Variants in ZNF804B observed in about 807,000 individuals in gnomAD.
ZNF804B encodes the protein zinc finger protein 804B.
A neutral mutation model predicts 101.4 loss-of-function variants in ZNF804B; 80 were observed. The observed-to-expected ratio is 0.79, with a 90% CI of 0.66 to 0.95. The LOEUF is 0.95. ZNF804B is among the 40% of genes least tolerant of loss of function. The probability of loss-of-function intolerance (pLI) is 0.00; values close to 1 mark genes in which losing one functional copy is unlikely to be tolerated. For synonymous variants in ZNF804B, 622 were observed against 558.8 expected (o/e 1.11, Z -1.59); for missense variants, 1,673 against 1,561.9 (o/e 1.07, Z -1.20).
chr7:89,046,992 C>A (rs116491185), intron 1 of ZNF804B, among the ~76,000 whole-genome samples: 449 of 152,196 alleles, frequency 3.0e-3, no homozygotes, highest in Middle Eastern at 0.01. Context: ...CGTTTGCTTG[C>A]AATCATCTAT....
rs1554379499 is a variant in ZNF804B at position 89,215,914 on chromosome 7, A to AATAC, written c.109-2238_109-2237insCATA. On this transcript the variant is annotated intron_variant, in intron 1 of 3. Transcript: ENST00000333190. ...AAATAAATAAATAAATAAATAAATA[A>AATAC]ATAAATAAATAAATAAGAACTATGA... Among the ~76,000 whole-genome samples the AATAC allele has an allele frequency of 6.8e-3, 1,019 of 150,580 alleles. 14 individuals are homozygous for AATAC. The highest frequency in any genetic ancestry group is 0.023 in the African/African-American group (966 of 41,120).
At chr7:89,327,583 A>G (rs965525582) in intron 3 of ZNF804B, 109 bp downstream of exon 3, 13 of 1,412,314 alleles carry the variant, frequency 9.2e-6, no homozygotes, top group Non-Finnish European at 1.2e-5. Context: ...TAACTAATAG[A>G]TATGTCTGAA....
Position 89,334,614 on chromosome 7 carries a change from T to C in ZNF804B, c.1632T>C (p.Asp544=), listed in dbSNP as rs750946990. 3.7e-6 allele frequency: 6 copies of C among 1,613,602 alleles called. No individual in the cohort carries two copies. In the African/African-American group the frequency reaches 5.3e-5, roughly 14 times the overall value. Residue 544 remains aspartate (D), a synonymous_variant, in exon 4 of 4, where the codon GAT becomes GAC. Transcript: ENST00000333190. ...CAAAGACGATGATAGCTAATCCGGA[T>C]TGGGAAAAATTCCAGAGGAAATATA... ...PKPKTMIANP[D]WEKFQRKYNL...
chr7:89,185,589 G>T (rs180673503), intron 1 of ZNF804B, among the ~76,000 whole-genome samples: 1 of 152,214 alleles, frequency 6.6e-6, no homozygotes, highest in Admixed American at 6.5e-5. Flanking sequence ...GGTCGGGCGC[G>T]GTGGCTCATG....
intron 2 of ZNF804B, among the ~76,000 whole-genome samples, chr7:89,241,759 C>A (rs1239008691): frequency 6.6e-6 from 1 of 151,282 alleles, no homozygotes; most frequent in African/African-American, 2.4e-5. Context: ...TTTATGCCTG[C>A]AACTCCATTG....
Position 88,805,366 on chromosome 7 carries a change from A to C in ZNF804B, c.108+45282A>C, listed in dbSNP as rs73393424. ...GCAGTATAGTAAAAACAACATAATA[A>C]AATATTTTTAAATATTAGCTATGTG... On this transcript the variant is annotated intron_variant, in intron 1 of 3. Coordinates refer to ENST00000333190, the MANE Select transcript of ZNF804B (RefSeq NM_181646.5). 2.4e-3 allele frequency among the ~76,000 whole-genome samples: 364 copies of C among 152,298 alleles called. 3 individuals are homozygous for C. The highest frequency in any genetic ancestry group is 8.7e-3 in the African/African-American group (360 of 41,570).
intron 1 of ZNF804B, among the ~76,000 whole-genome samples, chr7:89,054,620 A>T (rs1041795314): frequency 2.0e-5 from 3 of 152,040 alleles, no homozygotes; most frequent in African/African-American, 7.2e-5. Context: ...CATTTTTGTT[A>T]TCTGGCATAA....
intron 1 of ZNF804B, among the ~76,000 whole-genome samples, chr7:88,952,318 T>A (rs889214000): frequency 6.6e-6 from 1 of 151,808 alleles, no homozygotes; most frequent in Non-Finnish European, 1.5e-5. Flanking sequence ...AATAGAATAC[T>A]GGCGAGGCCT....
intron 1 of ZNF804B, among the ~76,000 whole-genome samples, chr7:88,874,591 GATATTGGCTGTGGGTTTGTCATAGAT>G (rs1791893813): frequency 6.6e-6 from 1 of 151,942 alleles, no homozygotes; most frequent in Non-Finnish European, 1.5e-5. Flanking sequence ...CATTCAGTAT[GATATTGGCTGTGGGTTTGTCATAGAT>G]AGCTCTTATT....
At chr7:88,858,334 T>C (rs1159285073) in intron 1 of ZNF804B, among the ~76,000 whole-genome samples, 3 of 152,182 alleles carry the variant, frequency 2.0e-5, no homozygotes, top group African/African-American at 7.2e-5. Context: ...ATTTTATCAC[T>C]TATTGGAAGG....
intron 1 of ZNF804B, among the ~76,000 whole-genome samples, chr7:88,867,050 G>A (rs1255349148): frequency 6.6e-6 from 1 of 152,182 alleles, no homozygotes; most frequent in African/African-American, 2.4e-5. Context: ...CTTATTAGTG[G>A]AATGATGAGT....
chr7:89,048,586 A>C (rs954431544), intron 1 of ZNF804B, among the ~76,000 whole-genome samples: 3 of 151,930 alleles, frequency 2.0e-5, no homozygotes, highest in African/African-American at 4.9e-5. Flanking sequence ...ATCATTAAAA[A>C]TAATAAAAAG....
At chr7:89,002,784 A>G (rs1433524672) in intron 1 of ZNF804B, among the ~76,000 whole-genome samples, 4 of 151,974 alleles carry the variant, frequency 2.6e-5, no homozygotes, top group Admixed American at 6.6e-5. Context: ...AAAAAAAGGA[A>G]GTGAACCAAA....
intron 1 of ZNF804B, among the ~76,000 whole-genome samples, chr7:88,948,129 T>A (rs1480328441): frequency 1.3e-5 from 2 of 151,782 alleles, no homozygotes; most frequent in Non-Finnish European, 2.9e-5. Context: ...ATCTCCTTGA[T>A]AACCGGAGAT....
intron 1 of ZNF804B, among the ~76,000 whole-genome samples, chr7:89,195,180 G>A (rs1562911628): frequency 6.7e-6 from 1 of 149,694 alleles, no homozygotes; most frequent in Non-Finnish European, 1.5e-5. Context: ...GTATTGATGG[G>A]ACATATCTCA....
chr7:89,046,489 AGGGTTTTGAT>A (rs1351154847), intron 1 of ZNF804B, among the ~76,000 whole-genome samples: 1 of 152,198 alleles, frequency 6.6e-6, no homozygotes, highest in Non-Finnish European at 1.5e-5. Flanking sequence ...TCTGAACAAA[AGGGTTTTGAT>A]GGACTAAATA....
chr7:89,089,310 T>C (rs1309101977), intron 1 of ZNF804B, among the ~76,000 whole-genome samples: 1 of 152,090 alleles, frequency 6.6e-6, no homozygotes, highest in Non-Finnish European at 1.5e-5. Context: ...GTTGTATTTG[T>C]TACCTAAAAA....
intron 1 of ZNF804B, among the ~76,000 whole-genome samples, chr7:89,093,268 G>A (rs1235820332): frequency 6.6e-6 from 1 of 152,196 alleles, no homozygotes. Flanking sequence ...ATCAATTAGA[G>A]TATAGTGCTG....
At chr7:88,811,579 C>T (rs966825125) in intron 1 of ZNF804B, among the ~76,000 whole-genome samples, 18 of 152,060 alleles carry the variant, frequency 1.2e-4, no homozygotes, top group African/African-American at 4.3e-4. Flanking sequence ...AACCCAGATG[C>T]CCATCAGTGA....
Sources: allele counts gnomAD v4.1 joint callset (sites outside exome capture counted in the v4.1 genomes callset), GRCh38; gene constraint gnomAD v4.1.1; transcripts MANE v1.5; gene names NCBI Gene and HGNC (gene_info 2026-07-23, HGNC 2026-07-21).